CEP112: variants seen among roughly 807,000 people sequenced by gnomAD.
The protein encoded by CEP112 is centrosomal protein 112.
In CEP112, 127 loss-of-function variants were observed where a neutral mutation model predicts 153.0. That is an observed-to-expected ratio of 0.83 (90% confidence interval 0.72 to 0.96). The LOEUF (loss-of-function observed/expected upper bound fraction) is 0.96, where lower values mean the gene tolerates loss of function less well. CEP112 is among the 40% of genes least tolerant of loss of function. The pLI is 0.00. For missense variants in CEP112, 1,089 were observed against 1,101.2 expected (o/e 0.99, Z 0.16); for synonymous variants, 358 against 374.4 (o/e 0.96, Z 0.51).
intron 4 of CEP112, among the ~76,000 whole-genome samples, chr17:66,167,291 A>G (rs1243157553): frequency 1.3e-5 from 2 of 152,162 alleles, no homozygotes; most frequent in African/African-American, 4.8e-5. Flanking sequence ...AACTATTACA[A>G]TAATGATCAC....
chr17:66,034,970 T>TGTGTGTGTGTGTGTGTGTGTG (rs1568411071), intron 12 of CEP112, among the ~76,000 whole-genome samples: 5 of 96,726 alleles, frequency 5.2e-5, no homozygotes, highest in Admixed American at 1.4e-4. Flanking sequence ...AGCTAAGTTT[T>TGTGTGTGTGTGTGTGTGTGTG]TGCATGTATA....
At chr17:66,175,895 C>T (rs1598497729) in intron 3 of CEP112, among the ~76,000 whole-genome samples, 1 of 152,176 alleles carries the variant, frequency 6.6e-6, no homozygotes, top group East Asian at 1.9e-4. Context: ...AAAGAAAACT[C>T]TGCATTGACT....
chr17:65,866,772 T>A (rs2058500494), intron 20 of CEP112, among the ~76,000 whole-genome samples: 1 of 152,040 alleles, frequency 6.6e-6, no homozygotes, highest in Non-Finnish European at 1.5e-5. Flanking sequence ...CCCTCTCTGC[T>A]AAGAGCTGAA....
At chr17:65,829,657 A>G (rs1340533848) in intron 21 of CEP112, among the ~76,000 whole-genome samples, 1 of 152,240 alleles carries the variant, frequency 6.6e-6, no homozygotes, top group East Asian at 1.9e-4. Flanking sequence ...AAATAATTAC[A>G]GTCTAGCTAT....
At chr17:65,869,626 C>G (rs958013332) in intron 20 of CEP112, among the ~76,000 whole-genome samples, 1 of 144,278 alleles carries the variant, frequency 6.9e-6, no homozygotes, top group Non-Finnish European at 1.5e-5. Context: ...GTTGCCCAGG[C>G]TGGAGTGCAG....
chr17:66,016,699 G>A (rs2064789193), intron 16 of CEP112, among the ~76,000 whole-genome samples: 1 of 152,116 alleles, frequency 6.6e-6, no homozygotes, highest in African/African-American at 2.4e-5. Context: ...TTGGCACTGT[G>A]CCTCCAATGT....
Position 65,969,828 on chromosome 17 carries a change from C to T in CEP112, c.1737-8230G>A, listed in dbSNP as rs2062585888. ...ATGTATATTACCTGCATACATATTA[C>T]AAGCATATCATCTATATATAGCATG... On this transcript the variant is annotated intron_variant, in intron 17 of 26. Transcript: ENST00000535342. 1.6e-4 allele frequency among the ~76,000 whole-genome samples: 20 copies of T among 122,686 alleles called. No individual in the cohort carries two copies. The Admixed American group carries it at 2.1e-3, about 13-fold the overall frequency. The allele number at this position is 122,686 out of a possible 152,430, so 80.5% of individuals were successfully genotyped here.
intron 23 of CEP112, among the ~76,000 whole-genome samples, chr17:65,711,332 G>C (rs1196855328): frequency 6.6e-6 from 1 of 152,018 alleles, no homozygotes; most frequent in East Asian, 1.9e-4. Context: ...TGTGACTTTG[G>C]GCAAGTTATT....
intron 23 of CEP112, among the ~76,000 whole-genome samples, chr17:65,723,687 GT>G (rs1374129856): frequency 6.6e-6 from 1 of 152,168 alleles, no homozygotes; most frequent in Non-Finnish European, 1.5e-5. Context: ...TAGTCTATTT[GT>G]TTTGGCTCCA....
At chr17:65,850,628 T>C (rs898127861) in intron 21 of CEP112, among the ~76,000 whole-genome samples, 1 of 152,180 alleles carries the variant, frequency 6.6e-6, no homozygotes, top group Non-Finnish European at 1.5e-5. Context: ...TGACATCCTA[T>C]TCAAGTGTGA....
At chr17:66,116,863 CTT>C (rs35885142) in intron 6 of CEP112, among the ~76,000 whole-genome samples, 5 of 119,204 alleles carry the variant, frequency 4.2e-5, no homozygotes, top group Admixed American at 3.1e-4. Context: ...CTCCAATCTC[CTT>C]TTTTTTTTTT....
chr17:65,809,623 G>T (rs909135755), intron 21 of CEP112, among the ~76,000 whole-genome samples: 1 of 152,182 alleles, frequency 6.6e-6, no homozygotes, highest in African/African-American at 2.4e-5. Flanking sequence ...CTCAGTACTA[G>T]TTATGATATG....
chr17:66,042,996 G>A (rs531558996), intron 12 of CEP112: 43 of 557,342 alleles, frequency 7.7e-5, no homozygotes, highest in Non-Finnish European at 9.3e-5. Flanking sequence ...GTGTGTCCAT[G>A]AGTAGTTCTA....
intron 6 of CEP112, among the ~76,000 whole-genome samples, chr17:66,108,893 GA>G (rs1306556810): frequency 1.3e-5 from 2 of 152,054 alleles, no homozygotes; most frequent in African/African-American, 4.8e-5. Context: ...AATGGAAAAA[GA>G]AAATGTGTTA....
chr17:65,857,471 A>T (rs1598796164), intron 20 of CEP112, among the ~76,000 whole-genome samples: 1 of 152,054 alleles, frequency 6.6e-6, no homozygotes, highest in Non-Finnish European at 1.5e-5. Context: ...CGAACTCCTG[A>T]CCTCGTGATC....
chr17:66,104,714 A>G (rs1427237828), intron 6 of CEP112, among the ~76,000 whole-genome samples: 1 of 152,100 alleles, frequency 6.6e-6, no homozygotes, highest in African/African-American at 2.4e-5. Context: ...CCTGGTAGGC[A>G]TTTCTGGCAG....
intron 23 of CEP112, among the ~76,000 whole-genome samples, chr17:65,727,109 G>A (rs2050224814): frequency 6.6e-6 from 1 of 152,180 alleles, no homozygotes; most frequent in African/African-American, 2.4e-5. Context: ...TCCCAGAAAT[G>A]GGGCACGAGC....
At chr17:66,025,948 C>CACACACACACACACATAT (rs1056546431) in intron 16 of CEP112, among the ~76,000 whole-genome samples, 1 of 118,284 alleles carries the variant, frequency 8.5e-6, no homozygotes, top group East Asian at 2.0e-4. Context: ...CACACACACA[C>CACACACACACACACATAT]ATATATAGAT....
chr17:65,961,177 A>G (rs936869480), intron 18 of CEP112, among the ~76,000 whole-genome samples: 7 of 152,222 alleles, frequency 4.6e-5, no homozygotes, highest in Non-Finnish European at 1.0e-4. Flanking sequence ...GAAACTGATC[A>G]GTCATGGGAT....
Sources: gnomAD v4.1 joint callset for allele counts (sites outside exome capture counted in the v4.1 genomes callset) on GRCh38, gnomAD v4.1.1 for gene constraint, MANE v1.5 for transcripts, NCBI Gene and HGNC (gene_info 2026-07-23, HGNC 2026-07-21) for gene names.